RBPMS: variants seen among roughly 807,000 people sequenced by gnomAD.
RBPMS encodes RNA-binding protein with multiple splicing.
A neutral mutation model predicts 26.8 loss-of-function variants in RBPMS; 7 were observed. The ratio of observed to expected loss-of-function variants is 0.26; its 90% CI spans 0.15 to 0.49. The LOEUF (loss-of-function observed/expected upper bound fraction) is 0.49. RBPMS is among the 20% of genes least tolerant of loss of function. RBPMS has a pLI of 0.98. For missense variants in RBPMS, 186 were observed against 250.0 expected (o/e 0.74, Z 1.73); for synonymous variants, 96 against 93.3 (o/e 1.03, Z -0.17).
chr8:30,530,741 C>T (rs750267972), intron 5 of RBPMS, among the ~76,000 whole-genome samples: 3 of 152,098 alleles, frequency 2.0e-5, no homozygotes, highest in African/African-American at 2.4e-5. Flanking sequence ...GGATTACAGG[C>T]GTGAGCCACC....
rs1032523770 is a variant in RBPMS at position 30,425,320 on chromosome 8, A to G, written c.66+40162A>G. Among the ~76,000 whole-genome samples the G allele has an allele frequency of 3.5e-4, 54 of 152,228 alleles. 1 individual carries two copies. The highest frequency in any genetic ancestry group is 1.3e-3 in the African/African-American group (53 of 41,528). On this transcript the variant is annotated intron_variant, in intron 1 of 8. Coordinates refer to ENST00000397323, the MANE Select transcript of RBPMS (RefSeq NM_001008710.3). ...AGGCTAGGTTCCTTAATATATTGAA[A>G]CGTATATATAGCATGAGTCCTCTCT...
intron 3 of RBPMS, among the ~76,000 whole-genome samples, chr8:30,478,856 T>A (rs1249658758): frequency 1.3e-5 from 2 of 152,246 alleles, no homozygotes; most frequent in African/African-American, 4.8e-5. Context: ...CACTTTGTAA[T>A]TTTGGTCATG....
In RBPMS at chr8:30,469,674, A is replaced by G. The variant is rs577438793; in HGVS notation, c.67-5105A>G. 9.8e-4 allele frequency among the ~76,000 whole-genome samples: 149 copies of G among 152,372 alleles called. 2 individuals carry two copies. In the South Asian group the frequency reaches 0.019, roughly 20 times the overall value. On this transcript the variant is annotated intron_variant, in intron 1 of 8. Transcript: ENST00000397323. The stretch of plus-strand genomic sequence containing the variant: ...ATAAAGTAAACATCTGCGGATGCTA[A>G]AGGCATAGTGCCAGGCACATCTGTG...
At chr8:30,558,150 C>G (rs1382547875) in intron 6 of RBPMS, 1 of 152,384 alleles carries the variant, frequency 6.6e-6, no homozygotes, top group Non-Finnish European at 1.5e-5. Context: ...AGGCGTGAGC[C>G]ACCACACCCA....
chr8:30,450,984 C>G (rs1425337510), intron 1 of RBPMS, among the ~76,000 whole-genome samples: 1 of 152,010 alleles, frequency 6.6e-6, no homozygotes, highest in African/African-American at 2.4e-5. Context: ...AATATGGTGA[C>G]TAGCCAGTAT....
Position 30,570,379 on chromosome 8 carries a change from C to T in RBPMS, c.*112-258C>T, listed in dbSNP as rs1469684780. On this transcript the variant is annotated intron_variant, in intron 8 of 8. Transcript: ENST00000397323. Reference sequence around the variant, plus strand: ...CAGGAAAAGGAGTGACTGAATAATACAATATAGCTGAGATGTGTTTCAAGA... The same window carrying T: ...CAGGAAAAGGAGTGACTGAATAATATAATATAGCTGAGATGTGTTTCAAGA... Among the ~76,000 whole-genome samples the T allele has an allele frequency of 2.0e-5, 3 of 152,254 alleles. No individual in the cohort carries two copies. In the East Asian group the frequency reaches 5.8e-4, roughly 29 times the overall value.
At chr8:30,517,795 A>G (rs1375767613) in intron 5 of RBPMS, among the ~76,000 whole-genome samples, 1 of 152,252 alleles carries the variant, frequency 6.6e-6, no homozygotes, top group Non-Finnish European at 1.5e-5. Flanking sequence ...TGTATGGGAA[A>G]GACCTGGTGG....
chr8:30,563,632 G>T (rs1827673249), intron 7 of RBPMS, among the ~76,000 whole-genome samples: 2 of 152,200 alleles, frequency 1.3e-5, no homozygotes, highest in Non-Finnish European at 2.9e-5. Context: ...GAGAGAACGT[G>T]ACGGAATTTG....
At chr8:30,390,656 G>A (rs192883519) in intron 1 of RBPMS, among the ~76,000 whole-genome samples, 1 of 152,230 alleles carries the variant, frequency 6.6e-6, no homozygotes, top group Admixed American at 6.5e-5. Flanking sequence ...CCCCTCACCT[G>A]AATGTCCCAT....
At chr8:30,420,592 A>C (rs1810653240) in intron 1 of RBPMS, among the ~76,000 whole-genome samples, 1 of 152,226 alleles carries the variant, frequency 6.6e-6, no homozygotes, top group Non-Finnish European at 1.5e-5. Flanking sequence ...GGTCAGTTGA[A>C]GTGTTTCTCA....
chr8:30,537,014 G>A (rs1242514478), intron 5 of RBPMS, among the ~76,000 whole-genome samples: 1 of 152,064 alleles, frequency 6.6e-6, no homozygotes, highest in Non-Finnish European at 1.5e-5. Flanking sequence ...CCAGGGAATA[G>A]ACTTTCCTGG....
chr8:30,451,033 T>C (rs914823082), intron 1 of RBPMS, among the ~76,000 whole-genome samples: 1 of 152,176 alleles, frequency 6.6e-6, no homozygotes, highest in African/African-American at 2.4e-5. Context: ...TGAAAAGCCC[T>C]GGAGGTAGAA....
intron 4 of RBPMS, among the ~76,000 whole-genome samples, chr8:30,486,607 T>C (rs1818813677): frequency 6.6e-6 from 1 of 151,174 alleles, no homozygotes; most frequent in Non-Finnish European, 1.5e-5. Context: ...CACTCCAGCC[T>C]GGGCGATGGA....
intron 5 of RBPMS, among the ~76,000 whole-genome samples, chr8:30,518,762 C>CA (rs1226090466): frequency 7.7e-6 from 1 of 129,352 alleles, no homozygotes; most frequent in African/African-American, 2.9e-5. Context: ...GAACCCCCAC[C>CA]ACATGCCAAA....
intron 1 of RBPMS, among the ~76,000 whole-genome samples, chr8:30,447,419 G>C (rs1813999311): frequency 6.6e-6 from 1 of 152,180 alleles, no homozygotes; most frequent in Non-Finnish European, 1.5e-5. Flanking sequence ...GAATAGTAAA[G>C]TGTGTAATAG....
chr8:30,549,805 CCTCTCTCT>C (rs71206263), intron 6 of RBPMS, among the ~76,000 whole-genome samples: 6 of 110,684 alleles, frequency 5.4e-5, no homozygotes, highest in South Asian at 2.9e-4. Flanking sequence ...TCCCCTCTCT[CCTCTCTCT>C]CTCTCTCTCT....
rs191910561 is a variant in RBPMS, at chr8:30,413,661, G to A, written c.66+28503G>A. Among the ~76,000 whole-genome samples, 132 of 152,218 alleles carry A rather than the reference G, an allele frequency of 8.7e-4. 1 individual carries two copies. The East Asian group carries it at 0.023, about 27-fold the overall frequency. ...AGAGTCTCACTCTGTTGCCCAGGCT[G>A]GAGTTCAGTGGCATGATCTCGGCTC... On this transcript the variant is annotated intron_variant, in intron 1 of 8. Transcript: ENST00000397323.
intron 5 of RBPMS, among the ~76,000 whole-genome samples, chr8:30,523,586 T>C (rs1237513853): frequency 6.7e-6 from 1 of 150,364 alleles, no homozygotes; most frequent in African/African-American, 2.5e-5. Flanking sequence ...GTGCCAGGGC[T>C]TTAGGGTGAG....
rs938069061 is a variant in RBPMS at position 30,571,111 on chromosome 8, G to A, written c.*586G>A. On this transcript the variant is annotated 3_prime_UTR_variant, in exon 9 of 9. Coordinates refer to ENST00000397323, the MANE Select transcript of RBPMS (RefSeq NM_001008710.3). Reference sequence around the variant, plus strand: ...GTCCAGGGTAAATTAGTAGCATGGTGTTAGATGTTAGAAACAGAACTGTTA... The same window carrying A: ...GTCCAGGGTAAATTAGTAGCATGGTATTAGATGTTAGAAACAGAACTGTTA... 2.1e-4 allele frequency: 31 copies of A among 151,018 alleles called. No homozygotes were observed. The highest frequency in any genetic ancestry group is 4.3e-4 in the Non-Finnish European group (29 of 68,016). The allele number at this position is 151,018 out of a possible 1,614,324, so 9.4% of individuals were successfully genotyped here.
Sources: allele counts gnomAD v4.1 joint callset (sites outside exome capture counted in the v4.1 genomes callset), GRCh38; gene constraint gnomAD v4.1.1; transcripts MANE v1.5; gene names NCBI Gene and HGNC (gene_info 2026-07-23, HGNC 2026-07-21).